Variants in AKAP6 observed in about 807,000 individuals in gnomAD.
The protein encoded by AKAP6 is A-kinase anchor protein 6.
A neutral mutation model predicts 188.5 loss-of-function variants in AKAP6; 58 were observed. The observed-to-expected ratio is 0.31, with a 90% CI of 0.25 to 0.38. AKAP6 has a LOEUF of 0.38. AKAP6 is among the 10% of genes least tolerant of loss of function. The pLI, the probability that AKAP6 is intolerant of heterozygous loss-of-function variation, is 1.00. For synonymous variants in AKAP6, 989 were observed against 998.6 expected, an observed-to-expected ratio of 0.99 and a Z score of 0.18; for missense variants, 2,710 against 2,740.0, an observed-to-expected ratio of 0.99 and a Z score of 0.24.
At chr14:32,471,137 C>T (rs563303462) in intron 2 of AKAP6, among the ~76,000 whole-genome samples, 4 of 152,162 alleles carry the variant, frequency 2.6e-5, no homozygotes, top group Non-Finnish European at 2.9e-5. Flanking sequence ...AAATCATGGC[C>T]GATATCCATT....
intron 5 of AKAP6, among the ~76,000 whole-genome samples, chr14:32,579,176 C>G (rs987112137): frequency 1.3e-5 from 2 of 152,184 alleles, no homozygotes; most frequent in East Asian, 3.9e-4. Flanking sequence ...TATAGGTGAC[C>G]GTAACGAACG....
At chr14:32,597,345 G>A (rs1885747542) in intron 5 of AKAP6, among the ~76,000 whole-genome samples, 1 of 152,112 alleles carries the variant, frequency 6.6e-6, no homozygotes, top group Admixed American at 6.6e-5. Flanking sequence ...TTACAGTTAT[G>A]AGAAAATTTC....
chr14:32,398,191 G>A (rs1396090292), intron 1 of AKAP6, among the ~76,000 whole-genome samples: 1 of 152,188 alleles, frequency 6.6e-6, no homozygotes, highest in African/African-American at 2.4e-5. Flanking sequence ...GCAAGGGCTG[G>A]GAGTGCTCCC....
At chr14:32,513,150 A>G (rs1190521452) in intron 2 of AKAP6, among the ~76,000 whole-genome samples, 1 of 152,174 alleles carries the variant, frequency 6.6e-6, no homozygotes, top group East Asian at 1.9e-4. Context: ...GAAACTGTCC[A>G]TAGAACTATC....
intron 8 of AKAP6, among the ~76,000 whole-genome samples, chr14:32,682,707 G>A (rs1320658140): frequency 6.6e-6 from 1 of 152,118 alleles, no homozygotes; most frequent in Non-Finnish European, 1.5e-5. Flanking sequence ...GAGCTTTTAA[G>A]TAGAAAAAAG....
intron 8 of AKAP6, among the ~76,000 whole-genome samples, chr14:32,691,043 G>C (rs150330296): frequency 1.3e-5 from 2 of 152,146 alleles, no homozygotes; most frequent in Admixed American, 1.3e-4. Context: ...GCTCACAAAT[G>C]AGAGTGAATG....
At chr14:32,523,641 G>T (rs960464661) in intron 2 of AKAP6, among the ~76,000 whole-genome samples, 2 of 151,760 alleles carry the variant, frequency 1.3e-5, no homozygotes, top group Non-Finnish European at 2.9e-5. Flanking sequence ...GCTAATTTTT[G>T]TATTTTTTGT....
chr14:32,790,035 A>G (rs1390978144), intron 12 of AKAP6, among the ~76,000 whole-genome samples: 2 of 152,224 alleles, frequency 1.3e-5, no homozygotes, highest in African/African-American at 4.8e-5. Flanking sequence ...TAACTGACCT[A>G]ATGGAGCTGA....
chr14:32,486,278 A>T (rs1000333527), intron 2 of AKAP6, among the ~76,000 whole-genome samples: 1 of 120,756 alleles, frequency 8.3e-6, no homozygotes, highest in Non-Finnish European at 1.7e-5. Context: ...CTTTTTGCTT[A>T]GGATTGTCTT....
intron 4 of AKAP6, among the ~76,000 whole-genome samples, chr14:32,560,639 T>C (rs775234406): frequency 1.2e-4 from 18 of 152,274 alleles, no homozygotes; most frequent in Non-Finnish European, 2.6e-4. Flanking sequence ...AGTGCCTAAC[T>C]GCATTTGATG....
At position 32,786,408 on chromosome 14, in the gene AKAP6, T is replaced by G. The variant is rs372847711; in HGVS notation, c.3588+12515T>G. On this transcript the variant is annotated intron_variant, in intron 12 of 13. Coordinates refer to ENST00000280979, the MANE Select transcript of AKAP6 (RefSeq NM_004274.5). ...CTGCAAGCTCCACCTCCCAGGTGCA[T>G]GCCATTCTCCTGCCCCAGCCTCCTG... Among the ~76,000 whole-genome samples, 28 of 146,900 alleles carry G rather than the reference T, an allele frequency of 1.9e-4. No homozygotes were observed. The East Asian group carries it at 5.8e-3, about 30-fold the overall frequency.
intron 2 of AKAP6, among the ~76,000 whole-genome samples, chr14:32,473,434 G>A (rs1878886719): frequency 6.6e-6 from 1 of 152,124 alleles, no homozygotes; most frequent in South Asian, 2.1e-4. Flanking sequence ...GGCCAGTGAG[G>A]AGACCATCTG....
chr14:32,653,481 C>A (rs1010508218), intron 7 of AKAP6, among the ~76,000 whole-genome samples: 1 of 152,136 alleles, frequency 6.6e-6, no homozygotes, highest in South Asian at 2.1e-4. Context: ...CTTGCTCCTG[C>A]ATTCTCCATG....
At chr14:32,703,327 A>G (rs1340730033) in intron 9 of AKAP6, among the ~76,000 whole-genome samples, 2 of 152,146 alleles carry the variant, frequency 1.3e-5, no homozygotes, top group East Asian at 3.9e-4. Context: ...TGGAGCACGT[A>G]AAACGCTTAC....
intron 2 of AKAP6, among the ~76,000 whole-genome samples, chr14:32,509,276 T>C (rs181444330): frequency 1.3e-5 from 2 of 151,756 alleles, no homozygotes; most frequent in East Asian, 3.9e-4. Flanking sequence ...ATGTGTACAC[T>C]ACCACGCCTG....
In AKAP6 at chr14:32,417,738, A is replaced by G. The variant is rs867064678; in HGVS notation, c.-34-15722A>G. 161 of 152,314 alleles carry G rather than the reference A, an allele frequency of 1.1e-3. 1 individual carries two copies. The highest frequency in any genetic ancestry group is 3.8e-3 in the African/African-American group (157 of 41,572). The allele number at this position is 152,314 out of a possible 1,614,324, so 9.4% of individuals were successfully genotyped here. ...TTATGTTATTTTGCACATTTGACAC[A>G]GAGAAAAGTCATATTCTTCAGGCTT... is the stretch of plus-strand genomic sequence containing the variant. On this transcript the variant is annotated intron_variant, in intron 1 of 13. Coordinates refer to ENST00000280979, the MANE Select transcript of AKAP6 (RefSeq NM_004274.5).
At chr14:32,766,789 T>C (rs1008464009) in intron 11 of AKAP6, among the ~76,000 whole-genome samples, 1 of 152,182 alleles carries the variant, frequency 6.6e-6, no homozygotes, top group Non-Finnish European at 1.5e-5. Context: ...AGCCCAAAAG[T>C]TGCTTATACT....
Position 32,794,398 on chromosome 14 carries a change from A to G in AKAP6, c.3588+20505A>G, listed in dbSNP as rs2033700556. On this transcript the variant is annotated intron_variant, in intron 12 of 13. Coordinates refer to ENST00000280979, the MANE Select transcript of AKAP6 (RefSeq NM_004274.5). ...AACATGGTGAAAACTCATCTCTACT[A>G]AAGATATAAAAATTAGCAATGCATG... Among the ~76,000 whole-genome samples, 3 of 152,076 alleles carry G rather than the reference A, an allele frequency of 2.0e-5. No individual in the cohort carries two copies. In the South Asian group the frequency reaches 6.2e-4, roughly 32 times the overall value.
chr14:32,588,812 C>T (rs1885360170), intron 5 of AKAP6, among the ~76,000 whole-genome samples: 1 of 152,088 alleles, frequency 6.6e-6, no homozygotes, highest in African/African-American at 2.4e-5. Context: ...TATATGCATG[C>T]ATTTATCATC....
Sources: allele counts gnomAD v4.1 joint callset (sites outside exome capture counted in the v4.1 genomes callset), GRCh38; gene constraint gnomAD v4.1.1; transcripts MANE v1.5; gene names NCBI Gene and HGNC (gene_info 2026-07-23, HGNC 2026-07-21).